MED13L: variants seen among roughly 807,000 people sequenced by gnomAD.
MED13L encodes mediator of RNA polymerase II transcription subunit 13-like.
In MED13L, 7 loss-of-function variants were observed where a neutral mutation model predicts 220.9. The ratio of observed to expected loss-of-function variants is 0.03; its 90% CI spans 0.02 to 0.06. MED13L has a LOEUF of 0.06. Among genes scored for constraint, MED13L ranks in the 10% least tolerant of loss-of-function variants. MED13L has a pLI of 1.00. For missense variants in MED13L, 1,965 were observed against 2,760.5 expected (o/e 0.71, Z 6.46); for synonymous variants, 1,011 against 1,015.2 (o/e 1.00, Z 0.08).
intron 4 of MED13L, among the ~76,000 whole-genome samples, chr12:116,058,165 T>C (rs1198920519): frequency 6.6e-6 from 1 of 152,148 alleles, no homozygotes; most frequent in East Asian, 1.9e-4. Context: ...GCTAGCAAAC[T>C]TACAGTGAAA....
At chr12:116,124,111 G>T (rs1875333676) in intron 2 of MED13L, among the ~76,000 whole-genome samples, 1 of 139,624 alleles carries the variant, frequency 7.2e-6, no homozygotes, top group African/African-American at 2.8e-5. Context: ...TCTGCAGAGA[G>T]AGAGAGAAAG....
At chr12:116,228,355 C>T (rs1027309866) in intron 2 of MED13L, among the ~76,000 whole-genome samples, 2 of 152,150 alleles carry the variant, frequency 1.3e-5, no homozygotes, top group Admixed American at 1.3e-4. Context: ...CTTACTGTGT[C>T]ACTCAGGCTG....
intron 4 of MED13L, among the ~76,000 whole-genome samples, chr12:116,046,838 T>A (rs1408090581): frequency 6.6e-6 from 1 of 152,002 alleles, no homozygotes; most frequent in African/African-American, 2.4e-5. Flanking sequence ...TCGGGCATGG[T>A]GGTGGGTGCC....
At chr12:115,986,511 G>T (rs769985135) in intron 18 of MED13L, 22 bp from the exon 19 acceptor site, 38 of 1,608,162 alleles carry the variant, frequency 2.4e-5, no homozygotes, top group Non-Finnish European at 3.2e-5. Flanking sequence ...TTGTAGTGTA[G>T]AAAGGTGCTA....
At chr12:116,169,249 A>C (rs1300631985) in intron 2 of MED13L, 1 of 152,872 alleles carries the variant, frequency 6.5e-6, no homozygotes, top group Non-Finnish European at 1.5e-5. Context: ...TCATATTAGA[A>C]GTCTAGGAAT....
intron 11 of MED13L, 26 bp from the exon 12 acceptor site, chr12:116,006,437 A>G (rs565771043): frequency 6.4e-7 from 1 of 1,558,390 alleles, no homozygotes; most frequent in Non-Finnish European, 8.9e-7. Context: ...AGCCAAACAA[A>G]ACACATGAAC....
chr12:115,966,293 G>C (rs375796309), intron 28 of MED13L, 50 bp from the exon 29 acceptor site: 3 of 1,607,632 alleles, frequency 1.9e-6, no homozygotes, highest in Non-Finnish European at 2.6e-6. Flanking sequence ...CTTAAAGCTT[G>C]AAAAATGAAC....
In MED13L at chr12:115,983,461, C is replaced by A; in HGVS notation, c.4611G>T (p.Gln1537His). The A allele has an allele frequency of 1.9e-6, 3 of 1,614,188 alleles. No individual in the cohort carries two copies. In the South Asian group the frequency reaches 3.3e-5, roughly 18 times the overall value. ...PKYQTPPAAA[Q>H]GQATPGNAGP... is the part of the protein sequence containing the mutation. Reference sequence around the variant, plus strand: ...CAGCATTCCCTGGCGTAGCTTGTCCCTGTGCTGCTGCTGGTGGGGTCTGGT... The same window carrying A: ...CAGCATTCCCTGGCGTAGCTTGTCCATGTGCTGCTGCTGGTGGGGTCTGGT... The change falls in exon 21 of 31, where the codon CAG (glutamine) becomes CAT (histidine). Residue 1537 changes from glutamine to histidine, a missense_variant. Physicochemically the swap from Gln to His is conservative, Grantham distance 24. Around this residue, in one of 10 missense-constraint regions of MED13L, gnomAD observed 510 missense variants for 620.4 expected, o/e 0.82. Transcript: ENST00000281928.
chr12:116,256,473 G>A (rs547679796), intron 1 of MED13L, among the ~76,000 whole-genome samples: 1 of 152,148 alleles, frequency 6.6e-6, no homozygotes, highest in South Asian at 2.1e-4. Context: ...ACTGCAAAAG[G>A]ACATGTATGA....
At chr12:116,230,582 C>T (rs939719956) in intron 2 of MED13L, 1 of 605,330 alleles carries the variant, frequency 1.7e-6, no homozygotes, top group East Asian at 1.4e-4. Context: ...CTTTCCAATT[C>T]AGTCAGGGAT....
At chr12:116,216,971 C>T (rs562407731) in intron 2 of MED13L, among the ~76,000 whole-genome samples, 14 of 152,290 alleles carry the variant, frequency 9.2e-5, no homozygotes, top group African/African-American at 3.1e-4. Context: ...AATCTGTTGT[C>T]CTCAAGGAAG....
At chr12:116,140,927 C>G (rs1280661823) in intron 2 of MED13L, among the ~76,000 whole-genome samples, 1 of 152,146 alleles carries the variant, frequency 6.6e-6, no homozygotes, top group Non-Finnish European at 1.5e-5. Context: ...AATTCCTTGT[C>G]CAAAGGGGCA....
chr12:116,176,878 A>C (rs1332943333), intron 2 of MED13L, among the ~76,000 whole-genome samples: 1 of 68,330 alleles, frequency 1.5e-5, no homozygotes, highest in Non-Finnish European at 3.4e-5. Flanking sequence ...AACTCAGCCA[A>C]AAAAAAAAAA....
chr12:116,269,916 T>A (rs576286983), intron 1 of MED13L, among the ~76,000 whole-genome samples: 8 of 151,108 alleles, frequency 5.3e-5, no homozygotes, highest in Non-Finnish European at 1.2e-4. Flanking sequence ...TCTCCTGTCA[T>A]CTAGAAAGAA....
chr12:116,059,887 T>C (rs2137627920), intron 4 of MED13L, among the ~76,000 whole-genome samples: 1 of 152,320 alleles, frequency 6.6e-6, no homozygotes, highest in East Asian at 1.9e-4. Context: ...AGGCTTTAAA[T>C]TATTATTTAA....
intron 2 of MED13L, among the ~76,000 whole-genome samples, chr12:116,211,678 G>A (rs1169636654): frequency 6.6e-6 from 1 of 152,098 alleles, no homozygotes; most frequent in Non-Finnish European, 1.5e-5. Context: ...AAAACAGGAT[G>A]GAAAAATAAA....
Position 116,067,895 on chromosome 12 carries a change from A to T in MED13L, c.479+28774T>A, listed in dbSNP as rs1270104513. Among the ~76,000 whole-genome samples the T allele has an allele frequency of 3.9e-5, 6 of 152,338 alleles. No individual in the cohort carries two copies. The East Asian group carries it at 5.8e-4, about 15-fold the overall frequency. On this transcript the variant is annotated intron_variant, in intron 4 of 30. Transcript: ENST00000281928. ...CAAGACTCAATAAAGGACAACAAAGAGATTATTCATGGCAACTTATTTCAT... is the reference window on the plus strand; with the variant it reads ...CAAGACTCAATAAAGGACAACAAAGTGATTATTCATGGCAACTTATTTCAT...
intron 25 of MED13L, among the ~76,000 whole-genome samples, chr12:115,974,302 G>A (rs1270033794): frequency 6.6e-6 from 1 of 152,154 alleles, no homozygotes; most frequent in Non-Finnish European, 1.5e-5. Context: ...TTGCACCCAG[G>A]AAGCCACCAA....
At position 116,059,467 on chromosome 12, in the gene MED13L, A is replaced by AG. The variant is rs534316320; in HGVS notation, c.480-36867dup. ...GTTTCCCTCTTACCACCTTGGCAGG[A>AG]GTGCAGTGGGTGTGATCTTGGCTCA... On this transcript the variant is annotated intron_variant, in intron 4 of 30. Transcript: ENST00000281928. Among the ~76,000 whole-genome samples the AG allele has an allele frequency of 9.8e-4, 144 of 146,548 alleles. 1 individual carries two copies. The highest frequency in any genetic ancestry group is 3.6e-3 in the African/African-American group (141 of 39,430).
Sources: allele counts gnomAD v4.1 joint callset (sites outside exome capture counted in the v4.1 genomes callset), GRCh38; gene constraint gnomAD v4.1.1; regional missense constraint gnomAD v4.1.1; transcripts MANE v1.5; gene names NCBI Gene and HGNC (gene_info 2026-07-23, HGNC 2026-07-21).